Variants in PAK2 observed in about 807,000 individuals in gnomAD.
The protein encoded by PAK2 is serine/threonine-protein kinase PAK 2.
Under a neutral mutation model 65.9 loss-of-function variants are expected in PAK2, and 21 were observed. The observed-to-expected ratio is 0.32, with a 90% CI of 0.23 to 0.46. PAK2 has a LOEUF of 0.46. PAK2 is among the 20% of genes least tolerant of loss of function. The pLI, the probability that PAK2 is intolerant of heterozygous loss-of-function variation, is 1.00. For synonymous variants in PAK2, 204 were observed against 219.7 expected, an observed-to-expected ratio of 0.93 and a Z score of 0.63; for missense variants, 324 against 642.6, an observed-to-expected ratio of 0.50 and a Z score of 5.36.
At chr3:196,746,188 G>A (rs943486581) in intron 1 of PAK2, among the ~76,000 whole-genome samples, 7 of 152,044 alleles carry the variant, frequency 4.6e-5, no homozygotes, top group East Asian at 1.9e-4. Flanking sequence ...AACAAGAGAC[G>A]TGTCGTTGTC....
At chr3:196,779,903 C>G (rs1440378473) in intron 1 of PAK2, among the ~76,000 whole-genome samples, 1 of 152,174 alleles carries the variant, frequency 6.6e-6, no homozygotes, top group African/African-American at 2.4e-5. Context: ...ACTCATGACC[C>G]CAAGCAATCC....
chr3:196,763,043 T>C (rs1714038683), intron 1 of PAK2, among the ~76,000 whole-genome samples: 1 of 152,144 alleles, frequency 6.6e-6, no homozygotes, highest in Non-Finnish European at 1.5e-5. Flanking sequence ...AAGCAGCTAC[T>C]TCCCCTAGGG....
intron 1 of PAK2, among the ~76,000 whole-genome samples, chr3:196,764,671 C>G (rs1714097222): frequency 6.6e-6 from 1 of 151,286 alleles, no homozygotes; most frequent in African/African-American, 2.4e-5. Flanking sequence ...AAGCTAATAC[C>G]CAATTTCTAA....
chr3:196,763,291 G>C (rs7612937), intron 1 of PAK2, among the ~76,000 whole-genome samples: 79,602 of 151,928 alleles, frequency 0.52, 21,294 homozygotes, highest in Non-Finnish European at 0.58. Context: ...GCTCCCTGTT[G>C]CAGTAGACTC....
chr3:196,740,803 C>G (rs1358073822), intron 1 of PAK2, among the ~76,000 whole-genome samples: 2 of 152,140 alleles, frequency 1.3e-5, no homozygotes, highest in Non-Finnish European at 2.9e-5. Flanking sequence ...CTTTAGATAA[C>G]TTAGGTGAAG....
At chr3:196,825,987 G>T (rs1711851244) in intron 13 of PAK2, among the ~76,000 whole-genome samples, 1 of 149,650 alleles carries the variant, frequency 6.7e-6, no homozygotes, top group Non-Finnish European at 1.5e-5. Flanking sequence ...GGAACTACAG[G>T]CATGTGCCAC....
chr3:196,768,115 C>G (rs895856376), intron 1 of PAK2, among the ~76,000 whole-genome samples: 2 of 151,960 alleles, frequency 1.3e-5, no homozygotes, highest in African/African-American at 4.9e-5. Flanking sequence ...GTCCTCAGTT[C>G]AGATCATTAT....
intron 1 of PAK2, among the ~76,000 whole-genome samples, chr3:196,771,375 G>A (rs1714355187): frequency 6.6e-6 from 1 of 151,962 alleles, no homozygotes; most frequent in Non-Finnish European, 1.5e-5. Context: ...TCTACTTGTA[G>A]ATAATTTTCT....
chr3:196,804,024 C>T (rs1238320326), intron 4 of PAK2, among the ~76,000 whole-genome samples: 1 of 152,068 alleles, frequency 6.6e-6, no homozygotes. Context: ...CTTTTCTTGA[C>T]GTTTATTTAT....
At chr3:196,806,147 G>A (rs1431134393) in intron 5 of PAK2, among the ~76,000 whole-genome samples, 2 of 151,896 alleles carry the variant, frequency 1.3e-5, no homozygotes, top group African/African-American at 4.8e-5. Flanking sequence ...TCCTGACCTT[G>A]TGATCCACCC....
rs63606860 is a variant in PAK2, at chr3:196,762,795, CA to C, written c.-21-19817del. 3.1e-3 allele frequency among the ~76,000 whole-genome samples: 419 copies of C among 135,104 alleles called. 1 individual carries two copies. Among genetic ancestry groups the C allele is most frequent in the African/African-American group, 9.3e-3 (329 of 35,270 alleles). 88.6% of individuals were successfully genotyped at this position (135,104 alleles called of 152,430 possible). A position where few individuals can be genotyped will look rare whatever the true frequency, so the allele number is the denominator to read the frequency against. On this transcript the variant is annotated intron_variant, in intron 1 of 14. Transcript: ENST00000327134. ...GGGCAACGAGAGTGAAACTCCGTCTCAAAAAAAAAAAAAAGAAGAAAAGTTA... is the reference window on the plus strand; with the variant it reads ...GGGCAACGAGAGTGAAACTCCGTCTCAAAAAAAAAAAAAGAAGAAAAGTTA...
At chr3:196,805,951 G>A (rs755998442) in intron 5 of PAK2, among the ~76,000 whole-genome samples, 4 of 149,888 alleles carry the variant, frequency 2.7e-5, no homozygotes, top group Admixed American at 1.3e-4. Flanking sequence ...TCGCTCTGTC[G>A]CCCAGGCTGG....
intron 8 of PAK2, among the ~76,000 whole-genome samples, chr3:196,811,114 T>C (rs1305383465): frequency 1.3e-5 from 2 of 151,914 alleles, no homozygotes; most frequent in African/African-American, 2.4e-5. Flanking sequence ...CCTAAATTTT[T>C]AATGTTATTA....
At chr3:196,784,665 T>G (rs1714825794) in intron 2 of PAK2, among the ~76,000 whole-genome samples, 1 of 144,812 alleles carries the variant, frequency 6.9e-6, no homozygotes, top group South Asian at 2.3e-4. Flanking sequence ...TTTGCTATTG[T>G]GAATAATGCC....
intron 1 of PAK2, among the ~76,000 whole-genome samples, chr3:196,771,269 A>G (rs1714351430): frequency 6.6e-6 from 1 of 152,098 alleles, no homozygotes; most frequent in African/African-American, 2.4e-5. Context: ...TAAGCTGACC[A>G]TTCAATTACT....
chr3:196,827,283 T>A lies in PAK2; in HGVS notation c.1438T>A (p.Cys480Ser). 2.5e-6 allele frequency: 4 copies of A among 1,612,620 alleles called. No homozygotes were observed. The highest frequency in any genetic ancestry group is 3.4e-6 in the Non-Finnish European group (4 of 1,178,914). ...SPIFRDFLNR[C>S]LEMDVEKRGS... is the part of the protein sequence containing the mutation. ...AATATTTCGGGATTTCTTAAATCGA[T>A]GTTTGGAAATGGATGTGGAAAAAAG... is the stretch of plus-strand genomic sequence containing the variant. The change falls in exon 14 of 15, where the codon TGT (cysteine) becomes AGT (serine). Residue 480 changes from cysteine (C) to serine (S), a missense_variant. By Grantham distance (112) the Cys-to-Ser change is moderately radical (BLOSUM62 -1). Transcript: ENST00000327134.
intron 4 of PAK2, among the ~76,000 whole-genome samples, chr3:196,803,414 G>A (rs1256392908): frequency 6.6e-6 from 1 of 151,948 alleles, no homozygotes; most frequent in Non-Finnish European, 1.5e-5. Flanking sequence ...TTGTTTATTT[G>A]GTTTTTTCTC....
chr3:196,810,696 T>C (rs750878234), intron 8 of PAK2, 43 bp downstream of exon 8: 4 of 981,980 alleles, frequency 4.1e-6, no homozygotes, highest in Non-Finnish European at 6.6e-6. Flanking sequence ...CAGTATTCAG[T>C]ATTTCCTGGC....
At chr3:196,799,125 G>A (rs748462284) in intron 2 of PAK2, among the ~76,000 whole-genome samples, 20 of 152,074 alleles carry the variant, frequency 1.3e-4, no homozygotes, top group Non-Finnish European at 2.5e-4. Flanking sequence ...TTTATTCACC[G>A]ACAACATGAT....
Sources: allele counts gnomAD v4.1 joint callset (sites outside exome capture counted in the v4.1 genomes callset), GRCh38; gene constraint gnomAD v4.1.1; transcripts MANE v1.5; gene names NCBI Gene and HGNC (gene_info 2026-07-23, HGNC 2026-07-21).